The following CYP27C1 variants were observed in gnomAD, a reference collection of about 807,000 sequenced individuals.
CYP27C1 encodes the protein cytochrome P450 27C1.
A neutral mutation model predicts 40.6 loss-of-function variants in CYP27C1; 29 were observed. That is an observed-to-expected ratio of 0.71 (90% CI 0.53 to 0.97). The LOEUF (loss-of-function observed/expected upper bound fraction) is 0.97. Among genes scored for constraint, CYP27C1 ranks in the 50% least tolerant of loss-of-function variants. The probability of loss-of-function intolerance (pLI) is 0.00; values close to 1 mark genes in which losing one functional copy is unlikely to be tolerated. For synonymous variants in CYP27C1, 198 were observed against 186.8 expected (o/e 1.06, Z -0.49); for missense variants, 390 against 485.8 (o/e 0.80, Z 1.85).
At position 127,187,122 on chromosome 2, in the gene CYP27C1, A is replaced by G. The variant is rs533940325; in HGVS notation, c.*149T>C. ...TTTACATTACTTTGCATAAAGATTT[A>G]CAAGTGTCCCAGGACCTGGGAGGCC... On this transcript the variant is annotated 3_prime_UTR_variant, in exon 9 of 9. Transcript: ENST00000664447. 7.3e-6 allele frequency: 5 copies of G among 685,380 alleles called. No individual in the cohort carries two copies. The East Asian group carries it at 1.3e-4, about 17-fold the overall frequency. The allele number at this position is 685,380 out of a possible 1,614,324, so 42.5% of individuals were successfully genotyped here. A position where few individuals can be genotyped will look rare whatever the true frequency, so the allele number is the denominator to read the frequency against.
intron 2 of CYP27C1, among the ~76,000 whole-genome samples, chr2:127,204,454 A>AAG (rs1348399134): frequency 4.5e-5 from 2 of 43,988 alleles, no homozygotes; most frequent in Non-Finnish European, 9.0e-5. Flanking sequence ...GAAAGAAAGA[A>AAG]AGAAAGAAAG....
At chr2:127,189,646 T>A (rs935687551) in intron 8 of CYP27C1, among the ~76,000 whole-genome samples, 1 of 149,296 alleles carries the variant, frequency 6.7e-6, no homozygotes, top group Non-Finnish European at 1.5e-5. Flanking sequence ...AAAGAAAGGC[T>A]CCACTGTTGC....
chr2:127,216,155 G>C (rs939081803), intron 1 of CYP27C1, among the ~76,000 whole-genome samples: 3 of 152,116 alleles, frequency 2.0e-5, no homozygotes, highest in African/African-American at 7.2e-5. Context: ...GTTAAATATA[G>C]AATTACTATT....
In CYP27C1 at chr2:127,186,460, C is replaced by T. The variant is rs192298621; in HGVS notation, c.*811G>A. ...TCACCCAGGCTGAAGTGCAGTGGTG[C>T]CATCATAGATAGCTCACTGCAGACC... On this transcript the variant is annotated 3_prime_UTR_variant, in exon 9 of 9. Transcript: ENST00000664447. The surrounding 1 kb of genome is among the most constrained non-coding windows in gnomAD (Gnocchi z 4.5). 1 of 151,552 alleles carries T rather than the reference C, an allele frequency of 6.6e-6. No individual in the cohort carries two copies. Among genetic ancestry groups the T allele is most frequent in the Non-Finnish European group, 1.5e-5 (1 of 67,970 alleles). The allele number at this position is 151,552 out of a possible 1,614,324, so 9.4% of individuals were successfully genotyped here.
At position 127,193,096 on chromosome 2, in the gene CYP27C1, G is replaced by A; in HGVS notation, c.1495C>T (p.Gln499Ter). 2 of 1,614,088 alleles carry A rather than the reference G, an allele frequency of 1.2e-6. No individual in the cohort carries two copies. The highest frequency in any genetic ancestry group is 1.7e-6 in the Non-Finnish European group (2 of 1,179,996). Residue 499 changes from glutamine to a stop codon, truncating the protein, a stop_gained and splice_region_variant, in exon 8 of 9, where the codon CAG becomes TAG. Coordinates refer to ENST00000664447, the MANE Select transcript of CYP27C1 (RefSeq NM_001367502.1). LOFTEE classifies it high-confidence loss of function. ...AACGTTTGGCCTCCACGCCCTACCT[G>A]GATCACGACGAGGTGAATCTCCAGT... is the stretch of plus-strand genomic sequence containing the variant. Reference protein sequence around the residue: ...AELEIHLVVIQLLQHFEIKTS... With the variant: ...AELEIHLVVI
rs755640606 is a variant in CYP27C1, at chr2:127,193,189, CTCTA to C, written c.1398_1401del (p.Asp466GlufsTer18). On this transcript the variant is annotated frameshift_variant, in exon 8 of 9. Transcript: ENST00000664447. LOFTEE classifies it high-confidence loss of function. ...AAGGGGATGGATCCAAAATTGTCAA[CTCTA>C]TCTAAGTCTCCTTTCCGCAGCCAGC... is the stretch of plus-strand genomic sequence containing the variant. 15 of 1,614,242 alleles carry C rather than the reference CTCTA, an allele frequency of 9.3e-6. No individual in the cohort carries two copies. The highest frequency in any genetic ancestry group is 2.2e-5 in the East Asian group (1 of 44,888).
At chr2:127,207,210 C>T (rs1683246549) in intron 1 of CYP27C1, among the ~76,000 whole-genome samples, 2 of 152,020 alleles carry the variant, frequency 1.3e-5, no homozygotes. Context: ...AAAAAAAATA[C>T]ATGGCTGGGT....
intron 2 of CYP27C1, among the ~76,000 whole-genome samples, chr2:127,204,487 AGGAAGGAAGGAAGGAAG>A (rs1372175780): frequency 2.1e-4 from 16 of 74,890 alleles, no homozygotes; most frequent in African/African-American, 4.1e-4. Context: ...AAAGAAAGAA[AGGAAGGAAGGAAGGAAG>A]GAAAGAAAGA....
rs1683285748 is a variant in CYP27C1 at position 127,208,966 on chromosome 2, C to T, written c.283-2876G>A. On this transcript the variant is annotated intron_variant, in intron 1 of 8. Transcript: ENST00000664447. This position sits in a 1 kb window ranked among gnomAD's most constrained non-coding sequence, Gnocchi z 5.2. Reference sequence around the variant, plus strand: ...CCAGGCAATCCAGACTAGTGGGTTTCCCCCAAGCAAAACACACCCTCCCCA... The same window carrying T: ...CCAGGCAATCCAGACTAGTGGGTTTTCCCCAAGCAAAACACACCCTCCCCA... 6.6e-6 allele frequency among the ~76,000 whole-genome samples: 1 copy of T among 152,108 alleles called. No individual in the cohort carries two copies. Among genetic ancestry groups the T allele is most frequent in the African/African-American group, 2.4e-5 (1 of 41,418 alleles).
At chr2:127,193,753 C>G in intron 7 of CYP27C1, 36 bp downstream of exon 7, 1 of 1,612,876 alleles carries the variant, frequency 6.2e-7, no homozygotes, top group Non-Finnish European at 8.5e-7. Context: ...AACCCCGACC[C>G]GCAAGGCCTG....
At chr2:127,211,408 A>G (rs753690091) in intron 1 of CYP27C1, among the ~76,000 whole-genome samples, 108 of 110,134 alleles carry the variant, frequency 9.8e-4, no homozygotes, top group Middle Eastern at 9.1e-3. Flanking sequence ...TTTGAGATGG[A>G]GTCTCGCTCT....
In CYP27C1 at chr2:127,204,513, GAAGGAAA is replaced by G. The variant is rs1164191776; in HGVS notation, c.474-949_474-943del. Among the ~76,000 whole-genome samples, 10 of 53,070 alleles carry G rather than the reference GAAGGAAA, an allele frequency of 1.9e-4. 1 individual carries two copies. The highest frequency in any genetic ancestry group is 5.5e-4 in the African/African-American group (9 of 16,278). 34.8% of individuals were successfully genotyped at this position (53,070 alleles called of 152,430 possible). On this transcript the variant is annotated intron_variant, in intron 2 of 8. Transcript: ENST00000664447. Reference sequence around the variant, plus strand: ...GGAAGGAAGGAAGGAAGGAAAGAAAGAAGGAAAGAAAGAAAGAAAGAAAGAGAGAGAG... The same window carrying G: ...GGAAGGAAGGAAGGAAGGAAAGAAAGGAAAGAAAGAAAGAAAGAGAGAGAG...
chr2:127,213,160 A>G (rs1420814480), intron 1 of CYP27C1, among the ~76,000 whole-genome samples: 4 of 152,218 alleles, frequency 2.6e-5, no homozygotes, highest in Non-Finnish European at 5.9e-5. Flanking sequence ...GCTCAAGAAA[A>G]TAAGAGAGGA....
chr2:127,199,087 C>T (rs1211078375), intron 5 of CYP27C1, among the ~76,000 whole-genome samples: 1 of 152,214 alleles, frequency 6.6e-6, no homozygotes, highest in South Asian at 2.1e-4. Context: ...GAGTTCGAGA[C>T]CAGCCTGGCC....
chr2:127,199,686 G>T, intron 4 of CYP27C1, 147 bp from the exon 5 acceptor site: 1 of 720,744 alleles, frequency 1.4e-6, no homozygotes, highest in Non-Finnish European at 2.1e-6. Context: ...ACGTCAACCT[G>T]GGAGTTTCAC....
At chr2:127,190,286 A>G (rs1682734513) in intron 8 of CYP27C1, among the ~76,000 whole-genome samples, 1 of 150,438 alleles carries the variant, frequency 6.6e-6, no homozygotes, top group South Asian at 2.1e-4. Flanking sequence ...TCCTGTCTAT[A>G]CAGTTGTGCC....
chr2:127,204,607 A>AAGAG (rs1683179997), intron 2 of CYP27C1, among the ~76,000 whole-genome samples: 1 of 102,246 alleles, frequency 9.8e-6, no homozygotes, highest in Non-Finnish European at 2.0e-5. Context: ...GAAAGAAAGA[A>AAGAG]AGAAAGAAAG....
chr2:127,216,918 C>G (rs1233633833), intron 1 of CYP27C1, among the ~76,000 whole-genome samples: 2 of 152,164 alleles, frequency 1.3e-5, no homozygotes, highest in Admixed American at 1.3e-4. Context: ...CTCTTATACT[C>G]ACTCCTTCTG....
chr2:127,188,848 G>C, intron 8 of CYP27C1, among the ~76,000 whole-genome samples: 1 of 152,086 alleles, frequency 6.6e-6, no homozygotes, highest in East Asian at 1.9e-4. Context: ...AAGGCTCAAG[G>C]GTCAAGTCTT....
Sources: allele counts gnomAD v4.1 joint callset (sites outside exome capture counted in the v4.1 genomes callset), GRCh38; gene constraint gnomAD v4.1.1; non-coding constraint Gnocchi (gnomAD v3.1); transcripts MANE v1.5; gene names NCBI Gene and HGNC (gene_info 2026-07-23, HGNC 2026-07-21).